The following NRCAM variants were observed in gnomAD, a reference collection of about 807,000 sequenced individuals.
NRCAM encodes neuronal cell adhesion molecule.
Under a neutral mutation model 156.5 loss-of-function variants are expected in NRCAM, and 83 were observed. The observed-to-expected ratio is 0.53, with a 90% CI of 0.44 to 0.64. The LOEUF is 0.64. Among genes scored for constraint, NRCAM ranks in the 30% least tolerant of loss-of-function variants. NRCAM has a pLI of 0.00. For synonymous variants in NRCAM, 538 were observed against 563.9 expected (o/e 0.95, Z 0.65); for missense variants, 1,417 against 1,597.3 (o/e 0.89, Z 1.92).
chr7:108,310,486 A>T lies in NRCAM; in HGVS notation c.-107+2179T>A, dbSNP rs1488263637. Among the ~76,000 whole-genome samples the T allele has an allele frequency of 3.3e-5, 5 of 152,178 alleles. No homozygotes were observed. In the East Asian group the frequency reaches 7.7e-4, roughly 23 times the overall value. On this transcript the variant is annotated intron_variant, in intron 3 of 32. Transcript: ENST00000379028. ...CAGAGGGCACTTCCCAAACAGAAGG[A>T]TGTGGGATGGGCCTGAGAGTTTGCA...
chr7:108,216,603 ATTCATTCTTT>A (rs1043956431), intron 11 of NRCAM, among the ~76,000 whole-genome samples: 13 of 152,182 alleles, frequency 8.5e-5, no homozygotes, highest in African/African-American at 2.9e-4. Flanking sequence ...TGGAGACTTC[ATTCATTCTTT>A]TTCATTCTTT....
chr7:108,214,769 A>T (rs1435029621), intron 11 of NRCAM, among the ~76,000 whole-genome samples: 1 of 152,168 alleles, frequency 6.6e-6, no homozygotes, highest in African/African-American at 2.4e-5. Flanking sequence ...ACACTGCTTT[A>T]GCTGTACATT....
intron 3 of NRCAM, among the ~76,000 whole-genome samples, chr7:108,310,243 G>A (rs917904884): frequency 3.9e-5 from 6 of 152,160 alleles, no homozygotes; most frequent in African/African-American, 4.8e-5. Context: ...AAACTTACAC[G>A]AATGTGGCCA....
At chr7:108,432,938 GAAAGAGA>G (rs1827495937) in intron 1 of NRCAM, among the ~76,000 whole-genome samples, 1 of 151,244 alleles carries the variant, frequency 6.6e-6, no homozygotes, top group Non-Finnish European at 1.5e-5. Context: ...AGGAGAAAGA[GAAAGAGA>G]AGGAGAAGGA....
chr7:108,167,233 T>C (rs1374463486), intron 29 of NRCAM, among the ~76,000 whole-genome samples, 160 bp from the exon 30 acceptor site: 1 of 152,128 alleles, frequency 6.6e-6, no homozygotes, highest in African/African-American at 2.4e-5. Flanking sequence ...GTCAAACAAA[T>C]CAATTAAAAT....
At chr7:108,281,545 G>A (rs531192371) in intron 3 of NRCAM, among the ~76,000 whole-genome samples, 21 of 152,324 alleles carry the variant, frequency 1.4e-4, no homozygotes, top group Middle Eastern at 3.4e-3. Flanking sequence ...ATGTGAATTG[G>A]ATCTTGGCAA....
intron 3 of NRCAM, among the ~76,000 whole-genome samples, chr7:108,257,506 A>G (rs58799340): frequency 0.051 from 7,837 of 152,268 alleles, 265 homozygotes; most frequent in South Asian, 0.11. Context: ...CTGTTTCTAA[A>G]CACAGAGTAT....
intron 3 of NRCAM, among the ~76,000 whole-genome samples, chr7:108,285,787 A>G (rs546590067): frequency 6.6e-6 from 1 of 152,338 alleles, no homozygotes; most frequent in African/African-American, 2.4e-5. Flanking sequence ...TGTGTATACA[A>G]TTATATCAGA....
chr7:108,288,421 G>A (rs779073714), intron 3 of NRCAM, among the ~76,000 whole-genome samples: 17 of 151,956 alleles, frequency 1.1e-4, no homozygotes, highest in Non-Finnish European at 2.1e-4. Flanking sequence ...GCATATATTG[G>A]CAATGGCTAC....
intron 2 of NRCAM, among the ~76,000 whole-genome samples, chr7:108,392,812 G>C (rs1372541162): frequency 6.6e-6 from 1 of 152,198 alleles, no homozygotes; most frequent in Admixed American, 6.5e-5. Flanking sequence ...CTGCAGGTCT[G>C]TTGGGGTTTG....
intron 14 of NRCAM, among the ~76,000 whole-genome samples, chr7:108,197,745 T>A (rs925482446): frequency 2.6e-5 from 4 of 152,182 alleles, no homozygotes; most frequent in Admixed American, 6.5e-5. Flanking sequence ...AGTTCTACAA[T>A]GAAGAATTTG....
intron 1 of NRCAM, among the ~76,000 whole-genome samples, chr7:108,445,842 C>A (rs1208728914): frequency 6.6e-6 from 1 of 152,148 alleles, no homozygotes. Context: ...TAACTAGTTA[C>A]GAAAGGCCAT....
At chr7:108,181,485 G>A (rs149933418) in intron 24 of NRCAM, among the ~76,000 whole-genome samples, 13 of 152,296 alleles carry the variant, frequency 8.5e-5, no homozygotes, top group Admixed American at 2.6e-4. Flanking sequence ...TTCAACACAT[G>A]TGGTCCATAT....
At chr7:108,285,267 C>G (rs559627172) in intron 3 of NRCAM, among the ~76,000 whole-genome samples, 1 of 152,302 alleles carries the variant, frequency 6.6e-6, no homozygotes, top group Admixed American at 6.5e-5. Flanking sequence ...CACTCACTTC[C>G]ATTCCTTTAG....
intron 15 of NRCAM, 116 bp downstream of exon 15, chr7:108,195,645 A>G (rs2074615508): frequency 4.5e-6 from 3 of 663,600 alleles, no homozygotes; most frequent in Non-Finnish European, 8.1e-6. Flanking sequence ...TAACAGTGTA[A>G]TGGATTGTGT....
rs564999046 is a variant in NRCAM, at chr7:108,391,713, C to T, written c.-174+7723G>A. 2.4e-3 allele frequency among the ~76,000 whole-genome samples: 366 copies of T among 152,202 alleles called. 1 individual carries two copies. Among genetic ancestry groups the T allele is most frequent in the African/African-American group, 7.4e-3 (309 of 41,510 alleles). On this transcript the variant is annotated intron_variant, in intron 2 of 32. Transcript: ENST00000379028. ...GGCATGTTTTTGCAGTGGCTGGTGC[C>T]GGTTATTCCTTTCCATGTTTAGTGC...
At chr7:108,452,195 C>T (rs1481478578) in intron 1 of NRCAM, among the ~76,000 whole-genome samples, 1 of 152,084 alleles carries the variant, frequency 6.6e-6, no homozygotes, top group East Asian at 1.9e-4. Flanking sequence ...CTCATAGAAG[C>T]AGAGAGTAGA....
chr7:108,154,534 T>C (rs1167526405), intron 32 of NRCAM, among the ~76,000 whole-genome samples: 2 of 147,216 alleles, frequency 1.4e-5, no homozygotes, highest in Non-Finnish European at 3.0e-5. Context: ...GCTTAACGGC[T>C]GTGGTGGAGG....
chr7:108,185,056 A>G (rs950176480), intron 20 of NRCAM, among the ~76,000 whole-genome samples: 12 of 152,142 alleles, frequency 7.9e-5, no homozygotes, highest in East Asian at 1.9e-4. Flanking sequence ...AATTTTTTTC[A>G]TAATAGGATA....
Sources: allele counts gnomAD v4.1 joint callset (sites outside exome capture counted in the v4.1 genomes callset), GRCh38; gene constraint gnomAD v4.1.1; transcripts MANE v1.5; gene names NCBI Gene and HGNC (gene_info 2026-07-23, HGNC 2026-07-21).